The following RALGPS1 variants were observed in gnomAD, a reference collection of about 807,000 sequenced individuals.
The protein encoded by RALGPS1 is ras-specific guanine nucleotide-releasing factor RalGPS1.
In RALGPS1, 19 loss-of-function variants were observed where a neutral mutation model predicts 78.8. The observed-to-expected ratio is 0.24, with a 90% CI of 0.17 to 0.35. RALGPS1 has a LOEUF of 0.35. RALGPS1 is among the 10% of genes least tolerant of loss of function. RALGPS1 has a pLI of 1.00. For missense variants in RALGPS1, 454 were observed against 688.3 expected, an observed-to-expected ratio of 0.66 and a Z score of 3.81; for synonymous variants, 228 against 256.3, an observed-to-expected ratio of 0.89 and a Z score of 1.06.
At chr9:126,929,547 G>A (rs1483693159) in intron 1 of RALGPS1, among the ~76,000 whole-genome samples, 1 of 152,096 alleles carries the variant, frequency 6.6e-6, no homozygotes, top group Non-Finnish European at 1.5e-5. Flanking sequence ...CACCTCCCAG[G>A]TTCAAGCGAT....
At chr9:127,096,905 G>C (rs7863643) in intron 8 of RALGPS1, among the ~76,000 whole-genome samples, 1 of 152,194 alleles carries the variant, frequency 6.6e-6, no homozygotes. Flanking sequence ...ACTCCTGTGA[G>C]GTAGGAAAGC....
intron 4 of RALGPS1, among the ~76,000 whole-genome samples, chr9:126,984,137 C>T (rs1229704203): frequency 6.6e-6 from 1 of 152,086 alleles, no homozygotes; most frequent in Non-Finnish European, 1.5e-5. Context: ...CAGAGTCTTG[C>T]TCTGTCACCT....
rs12552730 is a variant in RALGPS1 at position 127,011,758 on chromosome 9, C to T, written c.217-22673C>T. Among the ~76,000 whole-genome samples the T allele has an allele frequency of 3.0e-3, 460 of 152,122 alleles. 3 individuals are homozygous for T. The highest frequency in any genetic ancestry group is 4.8e-3 in the Non-Finnish European group (324 of 67,992). On this transcript the variant is annotated intron_variant, in intron 4 of 18. Transcript: ENST00000259351. ...CATGCCAAGATTTAGGCTGAAAATC[C>T]GAGCATAAAAATTGGTTTGTATGTA... is the stretch of plus-strand genomic sequence containing the variant.
At chr9:127,107,383 A>G (rs2054321254) in intron 8 of RALGPS1, among the ~76,000 whole-genome samples, 1 of 152,246 alleles carries the variant, frequency 6.6e-6, no homozygotes, top group South Asian at 2.1e-4. Context: ...ATCATTGAAA[A>G]TTCTAGACAG....
intron 1 of RALGPS1, among the ~76,000 whole-genome samples, chr9:126,956,244 C>T (rs1407535838): frequency 6.6e-6 from 1 of 151,820 alleles, no homozygotes; most frequent in Admixed American, 6.6e-5. Context: ...AAGCTGTTCT[C>T]AGGGCGGGGC....
chr9:127,043,358 GACA>G (rs2047478850), intron 5 of RALGPS1, among the ~76,000 whole-genome samples: 1 of 150,492 alleles, frequency 6.6e-6, no homozygotes, highest in African/African-American at 2.4e-5. Context: ...GCGGAGAAAG[GACA>G]AGTGGTGCTG....
chr9:126,967,778 T>C (rs2039667784), intron 3 of RALGPS1, among the ~76,000 whole-genome samples: 1 of 152,118 alleles, frequency 6.6e-6, no homozygotes, highest in Admixed American at 6.5e-5. Context: ...ACTCAAGTGA[T>C]CCTTCCACCT....
At chr9:126,976,789 C>G (rs2040702844) in intron 3 of RALGPS1, among the ~76,000 whole-genome samples, 1 of 152,166 alleles carries the variant, frequency 6.6e-6, no homozygotes, top group South Asian at 2.1e-4. Context: ...ACAGAGGCAT[C>G]TCTTAACTGA....
At chr9:126,956,280 C>T (rs2038331611) in intron 1 of RALGPS1, among the ~76,000 whole-genome samples, 1 of 152,136 alleles carries the variant, frequency 6.6e-6, no homozygotes, top group Non-Finnish European at 1.5e-5. Flanking sequence ...CCCTCAGTGG[C>T]AGTCTGCTCC....
chr9:126,951,821 G>A (rs2037849298), intron 1 of RALGPS1, among the ~76,000 whole-genome samples: 1 of 152,160 alleles, frequency 6.6e-6, no homozygotes, highest in South Asian at 2.1e-4. Flanking sequence ...TCTGGCCAGG[G>A]CAATTAGGCA....
chr9:127,145,771 G>T (rs1262197688), intron 8 of RALGPS1, among the ~76,000 whole-genome samples: 1 of 152,164 alleles, frequency 6.6e-6, no homozygotes, highest in African/African-American at 2.4e-5. Flanking sequence ...GAGATTTGAG[G>T]CCTAGCCCTG....
At chr9:126,931,883 A>G (rs759300652) in intron 1 of RALGPS1, among the ~76,000 whole-genome samples, 1 of 152,240 alleles carries the variant, frequency 6.6e-6, no homozygotes, top group Non-Finnish European at 1.5e-5. Flanking sequence ...CTCATTGTCA[A>G]TACCTGGGGT....
intron 8 of RALGPS1, among the ~76,000 whole-genome samples, chr9:127,076,054 T>C (rs1314236148): frequency 6.6e-6 from 1 of 152,244 alleles, no homozygotes; most frequent in Non-Finnish European, 1.5e-5. Flanking sequence ...AAAATAAGAC[T>C]CTTTGAATCA....
intron 8 of RALGPS1, chr9:127,093,859 C>T: frequency 1.2e-6 from 2 of 1,614,146 alleles, no homozygotes; most frequent in Non-Finnish European, 1.7e-6. Flanking sequence ...TGTTCTCCGG[C>T]TTCACCAGGT....
At chr9:126,995,079 C>A (rs1186292072) in intron 4 of RALGPS1, among the ~76,000 whole-genome samples, 1 of 152,102 alleles carries the variant, frequency 6.6e-6, no homozygotes, top group Non-Finnish European at 1.5e-5. Flanking sequence ...CAAAAACATG[C>A]CAAATTGTAA....
chr9:127,118,449 A>G (rs922633367), intron 8 of RALGPS1, among the ~76,000 whole-genome samples: 1 of 152,266 alleles, frequency 6.6e-6, no homozygotes, highest in Non-Finnish European at 1.5e-5. Context: ...ATGCTATTCA[A>G]TGAATTGATT....
Position 127,002,442 on chromosome 9 carries a change from T to TC in RALGPS1, c.216+24697_216+24698insC, listed in dbSNP as rs936861598. ...TGATACCACAAACATTCTTTTTTTT[T>TC]TTTTTCTTTTTTTTTTATTATACTT... On this transcript the variant is annotated intron_variant, in intron 4 of 18. Coordinates refer to ENST00000259351, the MANE Select transcript of RALGPS1 (RefSeq NM_014636.3). Among the ~76,000 whole-genome samples, 18 of 137,024 alleles carry TC rather than the reference T, an allele frequency of 1.3e-4. No homozygotes were observed. The South Asian group carries it at 1.5e-3, about 12-fold the overall frequency. The allele number at this position is 137,024 out of a possible 152,430, so 89.9% of individuals were successfully genotyped here. A position where few individuals can be genotyped will look rare whatever the true frequency, so the allele number is the denominator to read the frequency against.
Position 127,212,259 on chromosome 9 carries a change from C to G in RALGPS1, c.1353+23C>G, listed in dbSNP as rs778877840. ...GCGGTAAGTACAGACCCACATCCAC[C>G]GGGGCAGCAGGGGCTTCCACATCTG... On this transcript the variant is annotated intron_variant, in intron 15 of 18. Transcript: ENST00000259351. The surrounding 1 kb of genome is among the most constrained non-coding windows in gnomAD (Gnocchi z 6.0). 1.3e-6 allele frequency: 2 copies of G among 1,568,682 alleles called. No individual in the cohort carries two copies. The highest frequency in any genetic ancestry group is 1.4e-5 in the African/African-American group (1 of 73,502).
intron 8 of RALGPS1, among the ~76,000 whole-genome samples, chr9:127,097,733 C>A (rs866001685): frequency 1.3e-5 from 2 of 152,206 alleles, no homozygotes; most frequent in South Asian, 4.1e-4. Context: ...ATAAATAATG[C>A]CCTCGTAGGG....
Sources: allele counts gnomAD v4.1 joint callset (sites outside exome capture counted in the v4.1 genomes callset), GRCh38; gene constraint gnomAD v4.1.1; non-coding constraint Gnocchi (gnomAD v3.1); transcripts MANE v1.5; gene names NCBI Gene and HGNC (gene_info 2026-07-23, HGNC 2026-07-21).